Variants in CACNA1D observed in about 807,000 individuals in gnomAD.
CACNA1D encodes voltage-dependent L-type calcium channel subunit alpha-1D.
CACNA1D carries 55 observed loss-of-function variants against 257.1 expected under a neutral mutation model. That is an observed-to-expected ratio of 0.21 (90% CI 0.17 to 0.27). CACNA1D has a LOEUF of 0.27. Ranked by LOEUF, CACNA1D falls within the 10% of genes least tolerant of loss-of-function variation. The pLI, the probability that CACNA1D is intolerant of heterozygous loss-of-function variation, is 1.00. For missense variants in CACNA1D, 1,876 were observed against 2,784.0 expected, an observed-to-expected ratio of 0.67 and a Z score of 7.34; for synonymous variants, 980 against 1,014.9, an observed-to-expected ratio of 0.97 and a Z score of 0.65.
rs528524421 is a variant in CACNA1D at position 53,804,808 on chromosome 3, A to G, written c.5586-175A>G. Among the ~76,000 whole-genome samples, 6 of 152,290 alleles carry G rather than the reference A, an allele frequency of 3.9e-5. No homozygotes were observed. The South Asian group carries it at 8.3e-4, about 21-fold the overall frequency. The stretch of plus-strand genomic sequence containing the variant: ...CTCAGCACAGGCCTCCAGTCCTGTA[A>G]TGGCCCTTGGTCTCCATCTGGAATC... On this transcript the variant is annotated intron_variant, in intron 44 of 47. Transcript: ENST00000350061.
intron 30 of CACNA1D, chr3:53,765,410 TTTCTG>T (rs530301205): frequency 8.6e-4 from 131 of 152,786 alleles, no homozygotes; most frequent in Middle Eastern, 6.8e-3. Context: ...TGATCTTTCT[TTTCTG>T]TTGCCTAATT....
chr3:53,554,393 A>T (rs565539272), intron 3 of CACNA1D, among the ~76,000 whole-genome samples: 1 of 152,330 alleles, frequency 6.6e-6, no homozygotes, highest in South Asian at 2.1e-4. Context: ...ATCATATGCA[A>T]TTCCTACAAG....
chr3:53,648,848 A>C (rs1377286456), intron 3 of CACNA1D, among the ~76,000 whole-genome samples: 1 of 151,982 alleles, frequency 6.6e-6, no homozygotes. Flanking sequence ...ACACACACAC[A>C]CACACACACA....
At chr3:53,702,872 A>T in intron 9 of CACNA1D, 62 bp downstream of exon 9, 1 of 1,579,396 alleles carries the variant, frequency 6.3e-7, no homozygotes, top group South Asian at 1.1e-5. Flanking sequence ...GACGCCTAGC[A>T]GTAGGCCTTC....
At chr3:53,779,325 C>T (rs2095413937) in intron 37 of CACNA1D, among the ~76,000 whole-genome samples, 1 of 152,100 alleles carries the variant, frequency 6.6e-6, no homozygotes, top group African/African-American at 2.4e-5. Flanking sequence ...ATCCCAGAGT[C>T]CCCTAAGTGG....
intron 20 of CACNA1D, among the ~76,000 whole-genome samples, chr3:53,738,857 G>T (rs535696597): frequency 6.6e-6 from 1 of 151,584 alleles, no homozygotes; most frequent in Non-Finnish European, 1.5e-5. Flanking sequence ...AGACTTGTGG[G>T]CTGCAGTGTC....
At chr3:53,734,022 A>G (rs1393898956) in intron 19 of CACNA1D, among the ~76,000 whole-genome samples, 542 of 14,716 alleles carry the variant, frequency 0.037, 4 homozygotes, top group African/African-American at 0.18. Context: ...GTGTGTATAT[A>G]TATATATATA....
At chr3:53,758,182 G>C (rs1158451666) in intron 29 of CACNA1D, among the ~76,000 whole-genome samples, 1 of 152,124 alleles carries the variant, frequency 6.6e-6, no homozygotes, top group African/African-American at 2.4e-5. Context: ...TTAATTCCCC[G>C]CTTACCTTTG....
chr3:53,776,719 C>T lies in CACNA1D; in HGVS notation c.4479C>T (p.Asp1493=). ...DEFKRIWSEY[D]PEAKGRIKHL... Reference sequence around the variant, plus strand: ...TCAAAAGAATATGGTCAGAATATGACCCTGAGGCAAAGTAGGTTGAAAAAT... The same window carrying T: ...TCAAAAGAATATGGTCAGAATATGATCCTGAGGCAAAGTAGGTTGAAAAAT... Residue 1493 remains aspartate, a synonymous_variant, in exon 36 of 48, where the codon GAC becomes GAT. Transcript: ENST00000350061. 6.2e-7 allele frequency: 1 copy of T among 1,614,158 alleles called. No homozygotes were observed. The highest frequency in any genetic ancestry group is 1.6e-4 in the Middle Eastern group (1 of 6,062).
intron 3 of CACNA1D, among the ~76,000 whole-genome samples, chr3:53,502,653 CT>C (rs1343719405): frequency 6.6e-6 from 1 of 152,076 alleles, no homozygotes; most frequent in Non-Finnish European, 1.5e-5. Flanking sequence ...TCATACCTTT[CT>C]GCATTGCTGT....
intron 40 of CACNA1D, among the ~76,000 whole-genome samples, chr3:53,787,464 T>C (rs1332092619): frequency 6.6e-6 from 1 of 151,972 alleles, no homozygotes; most frequent in Admixed American, 6.6e-5. Flanking sequence ...TATGTATGTA[T>C]GTGTGGTGTG....
chr3:53,516,556 A>T (rs1004179565), intron 3 of CACNA1D, among the ~76,000 whole-genome samples: 9 of 152,242 alleles, frequency 5.9e-5, no homozygotes, highest in African/African-American at 1.7e-4. Flanking sequence ...TCCTGCTGAG[A>T]CGCTGAGGTC....
intron 47 of CACNA1D, among the ~76,000 whole-genome samples, chr3:53,810,907 G>C (rs943087717): frequency 6.6e-6 from 1 of 151,898 alleles, no homozygotes; most frequent in Non-Finnish European, 1.5e-5. Context: ...CACTCTTGTT[G>C]GGCCATGTGT....
chr3:53,666,701 C>G (rs752925579), intron 7 of CACNA1D, among the ~76,000 whole-genome samples, 166 bp downstream of exon 7: 1 of 152,154 alleles, frequency 6.6e-6, no homozygotes, highest in African/African-American at 2.4e-5. Context: ...TCCTGCTCCT[C>G]GAGGGCCTTA....
chr3:53,670,842 G>A (rs2094315806), intron 7 of CACNA1D, among the ~76,000 whole-genome samples: 1 of 152,152 alleles, frequency 6.6e-6, no homozygotes, highest in African/African-American at 2.4e-5. Flanking sequence ...ATTTTCACGT[G>A]GGTATTTTTG....
chr3:53,674,204 C>G (rs1470568580), intron 8 of CACNA1D, among the ~76,000 whole-genome samples: 1 of 152,172 alleles, frequency 6.6e-6, no homozygotes, highest in Non-Finnish European at 1.5e-5. Context: ...TAGTACATAA[C>G]CTGGCCCCTT....
chr3:53,726,827 C>T (rs1019828608), intron 14 of CACNA1D, 52 bp from the exon 15 acceptor site: 23 of 1,613,388 alleles, frequency 1.4e-5, no homozygotes, highest in Admixed American at 3.3e-5. Flanking sequence ...TCTAAGAGAG[C>T]GGCTGCAATT....
intron 3 of CACNA1D, among the ~76,000 whole-genome samples, chr3:53,648,057 G>A (rs1360658020): frequency 6.6e-6 from 1 of 152,198 alleles, no homozygotes; most frequent in African/African-American, 2.4e-5. Context: ...CTAAATAAAA[G>A]TCAGAGAGGA....
chr3:53,767,565 C>CA (rs397792487), intron 30 of CACNA1D, among the ~76,000 whole-genome samples: 35,146 of 130,276 alleles, frequency 0.27, 5,733 homozygotes, highest in Non-Finnish European at 0.37. Context: ...GACTCTATCT[C>CA]AAAAAAAAAA....
Sources: gnomAD v4.1 joint callset for allele counts (sites outside exome capture counted in the v4.1 genomes callset) on GRCh38, gnomAD v4.1.1 for gene constraint, MANE v1.5 for transcripts, NCBI Gene and HGNC (gene_info 2026-07-23, HGNC 2026-07-21) for gene names.